The following AJAP1 variants were observed in gnomAD, a reference collection of about 807,000 sequenced individuals.
AJAP1 encodes adherens junction-associated protein 1.
In AJAP1, 5 loss-of-function variants were observed where a neutral mutation model predicts 35.0. That is an observed-to-expected ratio of 0.14 (90% CI 0.07 to 0.30). The LOEUF (loss-of-function observed/expected upper bound fraction) is 0.30. Among genes scored for constraint, AJAP1 ranks in the 10% least tolerant of loss-of-function variants. The probability of loss-of-function intolerance (pLI) is 1.00; values close to 1 mark genes in which losing one functional copy is unlikely to be tolerated. For synonymous variants in AJAP1, 284 were observed against 249.3 expected (o/e 1.14, Z -1.31); for missense variants, 586 against 571.0 (o/e 1.03, Z -0.27).
At chr1:4,702,540 G>T (rs1640011818) in intron 1 of AJAP1, among the ~76,000 whole-genome samples, 1 of 152,216 alleles carries the variant, frequency 6.6e-6, no homozygotes, top group African/African-American at 2.4e-5. Context: ...CCTTCCTGGG[G>T]TCCCAGGCAT....
chr1:4,665,295 C>T (rs991399504), intron 1 of AJAP1, among the ~76,000 whole-genome samples: 3 of 152,028 alleles, frequency 2.0e-5, no homozygotes, highest in African/African-American at 7.2e-5. Flanking sequence ...ATGGAATGGC[C>T]CCATTAGGCG....
At chr1:4,722,005 G>T (rs937257431) in intron 2 of AJAP1, among the ~76,000 whole-genome samples, 20 of 152,172 alleles carry the variant, frequency 1.3e-4, no homozygotes, top group Admixed American at 5.2e-4. Context: ...TATGTGTGCT[G>T]AGGTGGTCAA....
intron 1 of AJAP1, among the ~76,000 whole-genome samples, chr1:4,700,372 G>A (rs890738860): frequency 2.0e-5 from 3 of 152,076 alleles, no homozygotes; most frequent in Non-Finnish European, 4.4e-5. Context: ...CCCCACAGGC[G>A]CCCATGAGTG....
At chr1:4,710,140 A>G (rs1051236064) in intron 1 of AJAP1, among the ~76,000 whole-genome samples, 6 of 145,288 alleles carry the variant, frequency 4.1e-5, no homozygotes, top group Non-Finnish European at 7.5e-5. Context: ...AGTTGCACAC[A>G]CAAATACACA....
At chr1:4,674,042 CAAAAAAAAA>C (rs57335438) in intron 1 of AJAP1, among the ~76,000 whole-genome samples, 11 of 81,940 alleles carry the variant, frequency 1.3e-4, no homozygotes, top group African/African-American at 3.7e-4. Flanking sequence ...CCCCCGCCAC[CAAAAAAAAA>C]AAAAAAAAAA....
chr1:4,712,222 G>A lies in AJAP1; in HGVS notation c.352G>A (p.Ala118Thr). The change falls in exon 2 of 6, where the codon GCC (alanine) becomes ACC (threonine). Residue 118 changes from alanine to threonine, a missense_variant. Coordinates refer to ENST00000378191, the MANE Select transcript of AJAP1 (RefSeq NM_018836.4). ...CGCCCTCGTGCCCAAGGCAGGACTG[G>A]CCAAGCCCCCAGCTGCTGCCAAATC... ...AAALVPKAGL[A>T]KPPAAAKSSP... The A allele has an allele frequency of 6.5e-7, 1 of 1,545,320 alleles. No individual in the cohort carries two copies. Among genetic ancestry groups the A allele is most frequent in the South Asian group, 1.2e-5 (1 of 81,258 alleles).
At chr1:4,757,443 G>A (rs924177374) in intron 2 of AJAP1, among the ~76,000 whole-genome samples, 1 of 152,200 alleles carries the variant, frequency 6.6e-6, no homozygotes, top group African/African-American at 2.4e-5. Flanking sequence ...CACTATGATG[G>A]CAAACGGACA....
Position 4,712,572 on chromosome 1 carries a change from G to T in AJAP1, c.702G>T (p.Lys234Asn). ...CCACCCCCATGACGCTGCAGACTAAGGGGTTCACCGAGTCCTTGGATCCCC... is the reference window on the plus strand; with the variant it reads ...CCACCCCCATGACGCTGCAGACTAATGGGTTCACCGAGTCCTTGGATCCCC... The part of the protein sequence containing the change: ...TTATPMTLQT[K>N]GFTESLDPRR... Residue 234 changes from lysine to asparagine, a missense_variant, in exon 2 of 6, where the codon AAG (lysine) becomes AAT (asparagine). Transcript: ENST00000378191. 1 of 1,610,820 alleles carries T rather than the reference G, an allele frequency of 6.2e-7. No individual in the cohort carries two copies. Among genetic ancestry groups the T allele is most frequent in the Non-Finnish European group, 8.5e-7 (1 of 1,178,456 alleles).
chr1:4,698,541 A>T (rs1294915628), intron 1 of AJAP1, among the ~76,000 whole-genome samples: 2 of 152,074 alleles, frequency 1.3e-5, no homozygotes, highest in Non-Finnish European at 2.9e-5. Flanking sequence ...TCCCGCCGAA[A>T]TCCAGTGATC....
rs1460356207 is a variant in AJAP1 at position 4,712,335 on chromosome 1, C to T, written c.465C>T (p.Gly155=). ...AGCAGCAGGCCCTCCTGAGGAGGGG[C>T]AAGAGGCACCTGCAGGGGGACGGTC... ...APEQQALLRR[G]KRHLQGDGLS... Residue 155 remains glycine (G), a synonymous_variant, in exon 2 of 6, where the codon GGC becomes GGT. Transcript: ENST00000378191. The T allele has an allele frequency of 1.3e-5, 19 of 1,495,692 alleles. No homozygotes were observed. Among genetic ancestry groups the T allele is most frequent in the Non-Finnish European group, 1.7e-5 (19 of 1,120,594 alleles). 92.7% of individuals were successfully genotyped at this position (1,495,692 alleles called of 1,614,324 possible). A position where few individuals can be genotyped will look rare whatever the true frequency, so the allele number is the denominator to read the frequency against.
In AJAP1 at chr1:4,656,910, T is replaced by C. The variant is rs1038690791; in HGVS notation, c.29+1456T>C. ...TGGAGCGAGGACAGCTTTGCAGGAA[T>C]GACCCTGATCCAGGTGCCCTGGAGG... On this transcript the variant is annotated intron_variant, in intron 1 of 5. Coordinates refer to ENST00000378191, the MANE Select transcript of AJAP1 (RefSeq NM_018836.4). The surrounding 1 kb of genome is among the most constrained non-coding windows in gnomAD (Gnocchi z 5.7). Among the ~76,000 whole-genome samples the C allele has an allele frequency of 3.3e-5, 5 of 152,152 alleles. No individual in the cohort carries two copies. Among genetic ancestry groups the C allele is most frequent in the Non-Finnish European group, 7.3e-5 (5 of 68,036 alleles).
At chr1:4,769,755 C>T (rs1641793098) in intron 2 of AJAP1, 98 bp from the exon 3 acceptor site, 3 of 1,031,700 alleles carry the variant, frequency 2.9e-6, no homozygotes, top group Admixed American at 1.7e-5. Flanking sequence ...CTGGCATCCC[C>T]AGCTGGGTTG....
chr1:4,712,304 C>T lies in AJAP1; in HGVS notation c.434C>T (p.Ala145Val), dbSNP rs982006274. The change falls in exon 2 of 6, where the codon GCC becomes GTC. Residue 145 changes from alanine (A) to valine (V), a missense_variant. Transcript: ENST00000378191. ...SSSSSAVAGG[A>V]PEQQALLRRG... ...TCGTCCTCCGCGGTGGCCGGTGGGGCCCCGGAGCAGCAGGCCCTCCTGAGG... is the reference window on the plus strand; with the variant it reads ...TCGTCCTCCGCGGTGGCCGGTGGGGTCCCGGAGCAGCAGGCCCTCCTGAGG... 1.2e-5 allele frequency: 18 copies of T among 1,491,546 alleles called. No homozygotes were observed. The highest frequency in any genetic ancestry group is 1.4e-5 in the African/African-American group (1 of 71,092). 92.4% of individuals were successfully genotyped at this position (1,491,546 alleles called of 1,614,324 possible). A position where few individuals can be genotyped will look rare whatever the true frequency, so the allele number is the denominator to read the frequency against.
intron 3 of AJAP1, among the ~76,000 whole-genome samples, chr1:4,770,253 C>T (rs943501742): frequency 6.6e-6 from 1 of 152,102 alleles, no homozygotes; most frequent in East Asian, 1.9e-4. Context: ...AGCACAGTCC[C>T]TATATCTTGT....
chr1:4,731,046 T>G (rs1163589577), intron 2 of AJAP1, among the ~76,000 whole-genome samples: 1 of 152,170 alleles, frequency 6.6e-6, no homozygotes, highest in Non-Finnish European at 1.5e-5. Flanking sequence ...TTTTTTAATT[T>G]TATTTATTTT....
At chr1:4,771,472 A>G (rs1338975062) in intron 3 of AJAP1, among the ~76,000 whole-genome samples, 4 of 152,180 alleles carry the variant, frequency 2.6e-5, no homozygotes, top group African/African-American at 9.6e-5. Flanking sequence ...AATGGCCCCC[A>G]ATGCGGGGAG....
intron 1 of AJAP1, among the ~76,000 whole-genome samples, chr1:4,673,480 A>G (rs1385782175): frequency 6.6e-6 from 1 of 152,204 alleles, no homozygotes; most frequent in Non-Finnish European, 1.5e-5. Flanking sequence ...AATTGTAAAC[A>G]GGTGAGATGT....
intron 2 of AJAP1, among the ~76,000 whole-genome samples, chr1:4,728,257 T>G (rs985742938): frequency 6.6e-6 from 1 of 152,144 alleles, no homozygotes; most frequent in African/African-American, 2.4e-5. Flanking sequence ...GACATGGCCT[T>G]TGGCAGCTTG....
At position 4,693,026 on chromosome 1, in the gene AJAP1, A is replaced by G. The variant is rs1200041759; in HGVS notation, c.30-18874A>G. Among the ~76,000 whole-genome samples the G allele has an allele frequency of 2.0e-5, 3 of 152,220 alleles. No individual in the cohort carries two copies. Among genetic ancestry groups the G allele is most frequent in the African/African-American group, 7.2e-5 (3 of 41,456 alleles). On this transcript the variant is annotated intron_variant, in intron 1 of 5. Coordinates refer to ENST00000378191, the MANE Select transcript of AJAP1 (RefSeq NM_018836.4). The surrounding 1 kb of genome is among the most constrained non-coding windows in gnomAD (Gnocchi z 4.4). ...TATTACAGTGTAATTAATACTAAAT[A>G]AGAATTGAGCTTCATAAATGCCCAC...
Sources: allele counts gnomAD v4.1 joint callset (sites outside exome capture counted in the v4.1 genomes callset), GRCh38; gene constraint gnomAD v4.1.1; non-coding constraint Gnocchi (gnomAD v3.1); transcripts MANE v1.5; gene names NCBI Gene and HGNC (gene_info 2026-07-23, HGNC 2026-07-21).